The following MACROD2 variants were observed in gnomAD, a reference collection of about 807,000 sequenced individuals.
MACROD2 encodes the protein ADP-ribose glycohydrolase MACROD2.
A neutral mutation model predicts 70.4 loss-of-function variants in MACROD2; 36 were observed. That is an observed-to-expected ratio of 0.51 (90% CI 0.39 to 0.68). MACROD2 has a LOEUF of 0.68. Among genes scored for constraint, MACROD2 ranks in the 30% least tolerant of loss-of-function variants. MACROD2 has a pLI of 0.00. For missense variants in MACROD2, 496 were observed against 538.4 expected (o/e 0.92, Z 0.78); for synonymous variants, 172 against 178.8 (o/e 0.96, Z 0.30).
chr20:14,660,724 C>G (rs1986183341), intron 4 of MACROD2, among the ~76,000 whole-genome samples: 1 of 151,976 alleles, frequency 6.6e-6, no homozygotes. Context: ...TTTGGAATCC[C>G]CAGTGTTTAT....
chr20:15,789,690 G>T (rs2063607369), intron 8 of MACROD2, among the ~76,000 whole-genome samples: 1 of 151,952 alleles, frequency 6.6e-6, no homozygotes, highest in Non-Finnish European at 1.5e-5. Flanking sequence ...TTTTCAAATT[G>T]ATTAATAACT....
intron 5 of MACROD2, among the ~76,000 whole-genome samples, chr20:15,038,216 G>A (rs1177110378): frequency 3.3e-5 from 5 of 152,080 alleles, no homozygotes; most frequent in Admixed American, 6.5e-5. Context: ...TGGTATGATC[G>A]AAAATAGAAA....
chr20:15,230,890 C>A (rs1039107921), intron 6 of MACROD2, among the ~76,000 whole-genome samples: 2 of 151,964 alleles, frequency 1.3e-5, no homozygotes, highest in East Asian at 3.8e-4. Flanking sequence ...CTTGGTTGTT[C>A]CCCCTCCCCC....
intron 3 of MACROD2, among the ~76,000 whole-genome samples, chr20:14,463,095 G>A (rs1163813673): frequency 1.3e-5 from 2 of 152,012 alleles, no homozygotes; most frequent in African/African-American, 2.4e-5. Context: ...GCTTGATGGG[G>A]ATGGCATTGA....
chr20:14,202,307 G>T (rs2148748321), intron 3 of MACROD2, among the ~76,000 whole-genome samples: 1 of 152,166 alleles, frequency 6.6e-6, no homozygotes, highest in African/African-American at 2.4e-5. Flanking sequence ...AGATTCATTG[G>T]TGTCAAAACT....
chr20:14,874,073 G>C (rs986939791), intron 5 of MACROD2, among the ~76,000 whole-genome samples: 1 of 151,884 alleles, frequency 6.6e-6, no homozygotes, highest in Non-Finnish European at 1.5e-5. Context: ...ATTGCTTTAA[G>C]CTTGCCTATC....
chr20:14,944,627 A>T (rs2122715576), intron 5 of MACROD2, among the ~76,000 whole-genome samples: 1 of 152,224 alleles, frequency 6.6e-6, no homozygotes, highest in South Asian at 2.1e-4. Context: ...CAGTGAAGGG[A>T]ATGCGTACAG....
At chr20:15,100,441 T>C (rs1427251341) in intron 5 of MACROD2, among the ~76,000 whole-genome samples, 2 of 152,196 alleles carry the variant, frequency 1.3e-5, no homozygotes, top group Non-Finnish European at 2.9e-5. Context: ...CCCAAAACTT[T>C]ATCTTGGCTA....
intron 7 of MACROD2, among the ~76,000 whole-genome samples, chr20:15,458,186 G>A (rs898054649): frequency 2.0e-5 from 3 of 152,068 alleles, no homozygotes; most frequent in African/African-American, 7.2e-5. Context: ...AAGATGTTTT[G>A]GATAATAAAG....
intron 5 of MACROD2, chr20:15,022,952 T>C (rs1343528592): frequency 6.6e-6 from 1 of 152,116 alleles, no homozygotes; most frequent in Non-Finnish European, 1.5e-5. Flanking sequence ...AAGCATTCCA[T>C]AAAAAATTAT....
intron 5 of MACROD2, among the ~76,000 whole-genome samples, chr20:15,225,991 G>A (rs574894354): frequency 1.3e-5 from 2 of 152,318 alleles, no homozygotes; most frequent in South Asian, 2.1e-4. Flanking sequence ...GCACTTCGCT[G>A]TATAATCGTG....
rs185312911 is a variant in MACROD2 at position 15,944,885 on chromosome 20, G to C, written c.907+7341G>C. Among the ~76,000 whole-genome samples, 69 of 152,188 alleles carry C rather than the reference G, an allele frequency of 4.5e-4. 1 individual carries two copies. The highest frequency in any genetic ancestry group is 1.6e-3 in the African/African-American group (65 of 41,524). The stretch of plus-strand genomic sequence containing the variant: ...CTTTCTGAATATATGAACATACACA[G>C]CTTTATGTGAAACGTATGATTGTAA... On this transcript the variant is annotated intron_variant, in intron 12 of 17. Coordinates refer to ENST00000684519, the MANE Select transcript of MACROD2 (RefSeq NM_001351661.2).
chr20:14,938,685 G>A (rs2074362709), intron 5 of MACROD2, among the ~76,000 whole-genome samples: 1 of 152,054 alleles, frequency 6.6e-6, no homozygotes, highest in African/African-American at 2.4e-5. Flanking sequence ...GGAGGCTGGG[G>A]CGGGAGGATC....
At chr20:15,618,825 A>C (rs1376773291) in intron 8 of MACROD2, among the ~76,000 whole-genome samples, 2 of 152,320 alleles carry the variant, frequency 1.3e-5, no homozygotes, top group East Asian at 3.9e-4. Context: ...CAACAGAGAA[A>C]GAGTAAAATT....
chr20:14,173,338 G>A (rs2081238544), intron 3 of MACROD2, among the ~76,000 whole-genome samples: 1 of 151,968 alleles, frequency 6.6e-6, no homozygotes, highest in African/African-American at 2.4e-5. Flanking sequence ...GTCTTTGTTA[G>A]ATTGAATTAA....
chr20:14,421,015 A>G (rs1013632034), intron 3 of MACROD2, among the ~76,000 whole-genome samples: 1 of 152,204 alleles, frequency 6.6e-6, no homozygotes, highest in Non-Finnish European at 1.5e-5. Context: ...TTTGATACAC[A>G]AAAGTTTTAC....
At chr20:14,363,458 C>T (rs921440571) in intron 3 of MACROD2, among the ~76,000 whole-genome samples, 1 of 152,162 alleles carries the variant, frequency 6.6e-6, no homozygotes, top group African/African-American at 2.4e-5. Flanking sequence ...GATGAAATGA[C>T]ATAGCATATT....
intron 2 of MACROD2, among the ~76,000 whole-genome samples, chr20:14,036,821 G>A (rs1395386256): frequency 6.6e-6 from 1 of 152,120 alleles, no homozygotes; most frequent in East Asian, 1.9e-4. Flanking sequence ...GCACCACCAC[G>A]CCTAGCCACT....
intron 8 of MACROD2, among the ~76,000 whole-genome samples, chr20:15,632,415 G>A (rs1190842046): frequency 6.6e-6 from 1 of 152,086 alleles, no homozygotes; most frequent in Non-Finnish European, 1.5e-5. Flanking sequence ...TAGCGGCGAG[G>A]GGGGCCAGTT....
Sources: gnomAD v4.1 joint callset for allele counts (sites outside exome capture counted in the v4.1 genomes callset) on GRCh38, gnomAD v4.1.1 for gene constraint, MANE v1.5 for transcripts, NCBI Gene and HGNC (gene_info 2026-07-23, HGNC 2026-07-21) for gene names.